GUCY1A2: variants seen among roughly 807,000 people sequenced by gnomAD.
The protein encoded by GUCY1A2 is guanylate cyclase soluble subunit alpha-2.
Under a neutral mutation model 63.5 loss-of-function variants are expected in GUCY1A2, and 27 were observed. That is an observed-to-expected ratio of 0.43 (90% CI 0.31 to 0.59). The LOEUF (loss-of-function observed/expected upper bound fraction) is 0.59, where lower values mean the gene tolerates loss of function less well. GUCY1A2 is among the 20% of genes least tolerant of loss of function. The pLI is 0.11. For synonymous variants in GUCY1A2, 364 were observed against 343.5 expected, an observed-to-expected ratio of 1.06 and a Z score of -0.66; for missense variants, 768 against 913.3, an observed-to-expected ratio of 0.84 and a Z score of 2.05.
intron 1 of GUCY1A2, among the ~76,000 whole-genome samples, chr11:107,015,803 T>C (rs1326280861): frequency 6.6e-6 from 1 of 152,118 alleles, no homozygotes; most frequent in Non-Finnish European, 1.5e-5. Flanking sequence ...TCAAATAGTT[T>C]ATAAAATTAC....
At chr11:106,761,688 C>T (rs569406025) in intron 6 of GUCY1A2, among the ~76,000 whole-genome samples, 1 of 152,250 alleles carries the variant, frequency 6.6e-6, no homozygotes, top group Non-Finnish European at 1.5e-5. Context: ...GCATAAACAA[C>T]CCTTGAAGCA....
At chr11:106,966,600 A>G (rs1012411066) in intron 3 of GUCY1A2, among the ~76,000 whole-genome samples, 1 of 152,224 alleles carries the variant, frequency 6.6e-6, no homozygotes, top group South Asian at 2.1e-4. Flanking sequence ...CTTAAAAACT[A>G]TTCCTTTAAT....
At chr11:106,987,659 A>AG (rs915298699) in intron 1 of GUCY1A2, among the ~76,000 whole-genome samples, 2 of 151,764 alleles carry the variant, frequency 1.3e-5, no homozygotes, top group Non-Finnish European at 2.9e-5. Context: ...CCTCAAAAAA[A>AG]AAAAAAAAAA....
intron 3 of GUCY1A2, among the ~76,000 whole-genome samples, chr11:106,970,208 C>T (rs1284596206): frequency 1.3e-5 from 2 of 152,078 alleles, no homozygotes; most frequent in Non-Finnish European, 2.9e-5. Context: ...ACACCTTCAA[C>T]AAATGGGACC....
intron 6 of GUCY1A2, among the ~76,000 whole-genome samples, chr11:106,742,177 G>A (rs1222716580): frequency 6.6e-6 from 1 of 152,130 alleles, no homozygotes; most frequent in Non-Finnish European, 1.5e-5. Flanking sequence ...ATTTCAAATG[G>A]ATGAATTTTC....
intron 3 of GUCY1A2, among the ~76,000 whole-genome samples, chr11:106,947,218 C>CAA (rs35132742): frequency 0.046 from 5,219 of 113,128 alleles, 527 homozygotes; most frequent in East Asian, 0.29. Context: ...CTCCATCTCA[C>CAA]AAAAAAAAAA....
rs988020108 is a variant in GUCY1A2 at position 106,679,672 on chromosome 11, A to C, written c.*7877T>G. On this transcript the variant is annotated 3_prime_UTR_variant, in exon 8 of 8. Coordinates refer to ENST00000526355, the MANE Select transcript of GUCY1A2 (RefSeq NM_000855.3). ...AAAAGGAAAAAATATAGTTTGTTTT[A>C]ATATCACTTGCATAGTGTTAGTCTG... 1 of 217,038 alleles carries C rather than the reference A, an allele frequency of 4.6e-6. No individual in the cohort carries two copies. Among genetic ancestry groups the C allele is most frequent in the African/African-American group, 2.3e-5 (1 of 44,358 alleles). 13.4% of individuals were successfully genotyped at this position (217,038 alleles called of 1,614,324 possible). A position where few individuals can be genotyped will look rare whatever the true frequency, so the allele number is the denominator to read the frequency against.
intron 4 of GUCY1A2, among the ~76,000 whole-genome samples, chr11:106,912,329 T>A (rs1200078254): frequency 6.6e-6 from 1 of 152,088 alleles, no homozygotes; most frequent in Admixed American, 6.6e-5. Flanking sequence ...AAAATACTTG[T>A]TGAGCCATTT....
At chr11:106,911,835 T>C (rs566850746) in intron 4 of GUCY1A2, among the ~76,000 whole-genome samples, 141 of 152,198 alleles carry the variant, frequency 9.3e-4, no homozygotes, top group African/African-American at 3.2e-3. Context: ...GTTTCTAAAA[T>C]AAAATTCAAA....
intron 5 of GUCY1A2, among the ~76,000 whole-genome samples, chr11:106,783,439 C>G (rs1245580827): frequency 6.6e-6 from 1 of 152,024 alleles, no homozygotes; most frequent in African/African-American, 2.4e-5. Flanking sequence ...CTGAGTATCT[C>G]CATGGGCTGC....
At chr11:106,808,206 C>T (rs185661558) in intron 5 of GUCY1A2, among the ~76,000 whole-genome samples, 1 of 150,496 alleles carries the variant, frequency 6.6e-6, no homozygotes, top group Non-Finnish European at 1.5e-5. Flanking sequence ...TAATTAATTG[C>T]AAAATTTCCT....
In GUCY1A2 at chr11:106,792,951, C is replaced by T. The variant is rs545815985; in HGVS notation, c.1693-16369G>A. Among the ~76,000 whole-genome samples, 3 of 152,058 alleles carry T rather than the reference C, an allele frequency of 2.0e-5. No homozygotes were observed. In the East Asian group the frequency reaches 5.8e-4, roughly 29 times the overall value. On this transcript the variant is annotated intron_variant, in intron 5 of 7. Transcript: ENST00000526355. ...ATATTGTAAAAATGTCCATAAAACCCGAAGTGATTACAGATTCAATGCAAT... is the reference window on the plus strand; with the variant it reads ...ATATTGTAAAAATGTCCATAAAACCTGAAGTGATTACAGATTCAATGCAAT...
At chr11:107,004,488 G>C (rs111619273) in intron 1 of GUCY1A2, among the ~76,000 whole-genome samples, 95 of 151,860 alleles carry the variant, frequency 6.3e-4, no homozygotes, top group African/African-American at 2.2e-3. Context: ...AAGCCCTAAG[G>C]CTTCCTCTGA....
At chr11:107,008,548 C>G (rs949988287) in intron 1 of GUCY1A2, among the ~76,000 whole-genome samples, 1 of 152,136 alleles carries the variant, frequency 6.6e-6, no homozygotes, top group African/African-American at 2.4e-5. Context: ...ATAAACTACA[C>G]AAGGACTTAT....
intron 4 of GUCY1A2, among the ~76,000 whole-genome samples, chr11:106,858,691 G>A (rs930653024): frequency 6.6e-6 from 1 of 152,034 alleles, no homozygotes; most frequent in Non-Finnish European, 1.5e-5. Flanking sequence ...ATATGTGAGA[G>A]ACAAATTCCT....
intron 3 of GUCY1A2, among the ~76,000 whole-genome samples, chr11:106,940,567 T>G (rs1860739675): frequency 6.6e-6 from 1 of 152,338 alleles, no homozygotes; most frequent in Middle Eastern, 3.4e-3. Context: ...TTACAATCCA[T>G]GAACCTACAT....
At chr11:106,997,621 C>A (rs1037981002) in intron 1 of GUCY1A2, among the ~76,000 whole-genome samples, 4 of 105,378 alleles carry the variant, frequency 3.8e-5, no homozygotes, top group African/African-American at 7.2e-5. Flanking sequence ...TAGGGAACCC[C>A]CCCCCCCCAC....
chr11:106,753,954 C>T (rs996930894), intron 6 of GUCY1A2, among the ~76,000 whole-genome samples: 3 of 152,116 alleles, frequency 2.0e-5, no homozygotes, highest in African/African-American at 7.2e-5. Flanking sequence ...GCAGTATGGA[C>T]ATTTTCACGA....
chr11:106,815,588 A>G (rs748823458), intron 4 of GUCY1A2, among the ~76,000 whole-genome samples: 14 of 151,940 alleles, frequency 9.2e-5, no homozygotes, highest in Non-Finnish European at 1.9e-4. Context: ...ATCTTTGAGC[A>G]CCAGGAAGGA....
Sources: gnomAD v4.1 joint callset for allele counts (sites outside exome capture counted in the v4.1 genomes callset) on GRCh38, gnomAD v4.1.1 for gene constraint, MANE v1.5 for transcripts, NCBI Gene and HGNC (gene_info 2026-07-23, HGNC 2026-07-21) for gene names.